SPAG9: variants seen among roughly 807,000 people sequenced by gnomAD.
The protein encoded by SPAG9 is C-Jun-amino-terminal kinase-interacting protein 4.
In SPAG9, 35 loss-of-function variants were observed where a neutral mutation model predicts 166.5. The observed-to-expected ratio is 0.21, with a 90% CI of 0.16 to 0.28. The LOEUF (loss-of-function observed/expected upper bound fraction) is 0.28. Ranked by LOEUF, SPAG9 falls within the 10% of genes least tolerant of loss-of-function variation. The pLI is 1.00. For synonymous variants in SPAG9, 534 were observed against 565.5 expected, an observed-to-expected ratio of 0.94 and a Z score of 0.79; for missense variants, 1,235 against 1,603.3, an observed-to-expected ratio of 0.77 and a Z score of 3.92.
chr17:51,006,035 TG>T, intron 11 of SPAG9, 49 bp downstream of exon 11: 1 of 1,594,186 alleles, frequency 6.3e-7, no homozygotes, highest in Non-Finnish European at 8.6e-7. Flanking sequence ...TAACCCTTTG[TG>T]GCATAACTGG....
At chr17:50,992,646 A>C (rs1975687728) in intron 19 of SPAG9, among the ~76,000 whole-genome samples, 2 of 151,872 alleles carry the variant, frequency 1.3e-5, no homozygotes, top group African/African-American at 2.4e-5. Flanking sequence ...CACCACTGCA[A>C]TCCAGCCTGG....
intron 7 of SPAG9, among the ~76,000 whole-genome samples, chr17:51,020,873 T>TA (rs2045912827): frequency 6.6e-6 from 1 of 152,214 alleles, no homozygotes. Flanking sequence ...AGATTACTTA[T>TA]AATACCTAAT....
Position 51,098,839 on chromosome 17 carries a change from C to T in SPAG9, c.304-19135G>A, listed in dbSNP as rs559427086. Among the ~76,000 whole-genome samples the T allele has an allele frequency of 9.9e-5, 15 of 151,706 alleles. No individual in the cohort carries two copies. In the South Asian group the frequency reaches 1.9e-3, roughly 19 times the overall value. ...ACTTTGGGCCGGGCACAGTGGCTCA[C>T]GCCAGTAATCCCAGCAATTTGGGAG... is the stretch of plus-strand genomic sequence containing the variant. On this transcript the variant is annotated intron_variant, in intron 1 of 29. Coordinates refer to ENST00000262013, the MANE Select transcript of SPAG9 (RefSeq NM_001130528.3).
chr17:51,102,507 ATT>A (rs533193631), intron 1 of SPAG9, among the ~76,000 whole-genome samples: 2 of 147,450 alleles, frequency 1.4e-5, no homozygotes, highest in Non-Finnish European at 1.5e-5. Context: ...TTGTATGGAA[ATT>A]TTTTTTTTTT....
chr17:50,990,074 C>T (rs1975403906), intron 20 of SPAG9: 3 of 598,508 alleles, frequency 5.0e-6, no homozygotes, highest in Non-Finnish European at 8.8e-6. Flanking sequence ...GTTGCCCAGG[C>T]TGGAGTGCGG....
intron 21 of SPAG9, 175 bp downstream of exon 21, chr17:50,989,502 A>G: frequency 1.5e-6 from 1 of 671,072 alleles, no homozygotes; most frequent in South Asian, 1.7e-5. Flanking sequence ...ATGGGGGGGA[A>G]TATCCAGCGA....
chr17:51,113,368 A>G lies in SPAG9; in HGVS notation c.303+6986T>C, dbSNP rs570528398. Reference sequence around the variant, plus strand: ...AATGCCATATCAAAAAAAAAAAAAAAAAAGAAAGAAAAGAAAAAGCAAATA... The same window carrying G: ...AATGCCATATCAAAAAAAAAAAAAAGAAAGAAAGAAAAGAAAAAGCAAATA... On this transcript the variant is annotated intron_variant, in intron 1 of 29. Coordinates refer to ENST00000262013, the MANE Select transcript of SPAG9 (RefSeq NM_001130528.3). Among the ~76,000 whole-genome samples, 709 of 149,560 alleles carry G rather than the reference A, an allele frequency of 4.7e-3. 6 individuals are homozygous for G. The highest frequency in any genetic ancestry group is 0.016 in the African/African-American group (631 of 40,598).
intron 13 of SPAG9, among the ~76,000 whole-genome samples, chr17:51,000,623 T>C (rs2143950724): frequency 6.6e-6 from 1 of 152,084 alleles, no homozygotes. Flanking sequence ...GAAACCCAGC[T>C]ACCAGGGAGG....
chr17:50,981,677 T>C (rs1461713140), intron 25 of SPAG9, among the ~76,000 whole-genome samples: 1 of 151,472 alleles, frequency 6.6e-6, no homozygotes, highest in Non-Finnish European at 1.5e-5. Context: ...GTATGCTTTT[T>C]GTCCCCCTAA....
At position 50,970,860 on chromosome 17, in the gene SPAG9, T is replaced by G. The variant is rs1259082409; in HGVS notation, c.3701-4A>C. ...CTTTGTGGGCTGATGACTTGACCTGTTTTATACAGAAACAAAAGTGAATAT... is the reference window on the plus strand; with the variant it reads ...CTTTGTGGGCTGATGACTTGACCTGGTTTATACAGAAACAAAAGTGAATAT... On this transcript the variant is annotated splice_region_variant and splice_polypyrimidine_tract_variant and intron_variant, in intron 28 of 29. Coordinates refer to ENST00000262013, the MANE Select transcript of SPAG9 (RefSeq NM_001130528.3). The G allele has an allele frequency of 6.2e-7, 1 of 1,612,558 alleles. No individual in the cohort carries two copies. Among genetic ancestry groups the G allele is most frequent in the Non-Finnish European group, 8.5e-7 (1 of 1,179,142 alleles).
At chr17:51,077,033 T>TCTAGCTAGCTATCTAG (rs1159538758) in intron 2 of SPAG9, among the ~76,000 whole-genome samples, 1 of 94,484 alleles carries the variant, frequency 1.1e-5, no homozygotes, top group Non-Finnish European at 2.4e-5. Context: ...TAGCTATCTA[T>TCTAGCTAGCTATCTAG]CTAGCTATCT....
rs936150752 is a variant in SPAG9, at chr17:51,050,541, G to T, written c.496-3072C>A. Among the ~76,000 whole-genome samples, 4 of 152,174 alleles carry T rather than the reference G, an allele frequency of 2.6e-5. No homozygotes were observed. In the South Asian group the frequency reaches 8.3e-4, roughly 32 times the overall value. ...AGGCCGCCTTTGTACTTAATTCTCT[G>T]AGCAGGCAATGAGCCCATTGTCCTT... On this transcript the variant is annotated intron_variant, in intron 3 of 29. Coordinates refer to ENST00000262013, the MANE Select transcript of SPAG9 (RefSeq NM_001130528.3).
Position 50,974,795 on chromosome 17 carries a change from C to T in SPAG9, c.3676G>A (p.Val1226Met). 6.2e-7 allele frequency: 1 copy of T among 1,600,564 alleles called. No individual in the cohort carries two copies. The highest frequency in any genetic ancestry group is 8.5e-7 in the Non-Finnish European group (1 of 1,176,566). Residue 1226 changes from valine (V) to methionine (M), a missense_variant, in exon 28 of 30, where the codon GTG becomes ATG. Around this residue, in one of 6 missense-constraint regions of SPAG9, gnomAD observed 243 missense variants for 358.6 expected, o/e 0.68. Coordinates refer to ENST00000262013, the MANE Select transcript of SPAG9 (RefSeq NM_001130528.3). The stretch of plus-strand genomic sequence containing the variant: ...CCTGGGACTGCCACAAAGAATTTCA[C>T]AGCATCCCGGTGCCCATGGAAGCAA... ...QLCFHGHRDA[V>M]KFFVAVPGQV...
chr17:51,073,418 G>A (rs1253674110), intron 2 of SPAG9, among the ~76,000 whole-genome samples: 1 of 152,114 alleles, frequency 6.6e-6, no homozygotes, highest in African/African-American at 2.4e-5. Context: ...AGCCTGGGAG[G>A]TTGAGGCTAC....
rs1211629141 is a variant in SPAG9 at position 51,005,403 on chromosome 17, T to G, written c.1425-140A>C. 11 of 692,268 alleles carry G rather than the reference T, an allele frequency of 1.6e-5. No individual in the cohort carries two copies. The African/African-American group carries it at 1.8e-4, about 11-fold the overall frequency. 42.9% of individuals were successfully genotyped at this position (692,268 alleles called of 1,614,324 possible). A position where few individuals can be genotyped will look rare whatever the true frequency, so the allele number is the denominator to read the frequency against. On this transcript the variant is annotated intron_variant, in intron 11 of 29. Coordinates refer to ENST00000262013, the MANE Select transcript of SPAG9 (RefSeq NM_001130528.3). The stretch of plus-strand genomic sequence containing the variant: ...AAACAGGGTATTTAGCCACCCTCAT[T>G]TGGTGGAGTATCATCATATCATAGC...
intron 29 of SPAG9, among the ~76,000 whole-genome samples, chr17:50,967,050 T>A (rs1301239466): frequency 6.6e-6 from 1 of 152,208 alleles, no homozygotes; most frequent in Admixed American, 6.5e-5. Context: ...TTCTTCTGCA[T>A]CACGGCTAAG....
At chr17:50,984,244 A>C (rs2143754249) in intron 24 of SPAG9, among the ~76,000 whole-genome samples, 1 of 152,330 alleles carries the variant, frequency 6.6e-6, no homozygotes, top group East Asian at 1.9e-4. Context: ...AAAATGATTA[A>C]ATCTTACCCA....
At chr17:50,973,176 T>C (rs1973952199) in intron 28 of SPAG9, among the ~76,000 whole-genome samples, 1 of 152,180 alleles carries the variant, frequency 6.6e-6, no homozygotes, top group Non-Finnish European at 1.5e-5. Context: ...ACACAACATT[T>C]AACATGTAAA....
At position 50,996,692 on chromosome 17, in the gene SPAG9, G is replaced by A; in HGVS notation, c.1841C>T (p.Thr614Ile). 6.2e-7 allele frequency: 1 copy of A among 1,613,702 alleles called. No homozygotes were observed. Among genetic ancestry groups the A allele is most frequent in the Non-Finnish European group, 8.5e-7 (1 of 1,179,836 alleles). ...SKAFDFLSEE[T>I]EASLASRREQ... ...TCTGCGTGAGGCTAAACTAGCTTCA[G>A]TTCTAAAAGGAAAAAAGATTTTCCT... The change falls in exon 16 of 30, where the codon ACT becomes ATT. Residue 614 changes from threonine to isoleucine, a missense_variant and splice_region_variant. Physicochemically the swap from Thr to Ile is moderately conservative, Grantham distance 89. This residue lies in a region of SPAG9 where 493 missense variants were observed against 559.4 expected (regional missense o/e 0.88). Coordinates refer to ENST00000262013, the MANE Select transcript of SPAG9 (RefSeq NM_001130528.3).
Sources: gnomAD v4.1 joint callset for allele counts (sites outside exome capture counted in the v4.1 genomes callset) on GRCh38, gnomAD v4.1.1 for gene constraint, gnomAD v4.1.1 regional missense constraint, MANE v1.5 for transcripts, NCBI Gene and HGNC (gene_info 2026-07-23, HGNC 2026-07-21) for gene names.